Variants in EML4 observed in about 807,000 individuals in gnomAD.
EML4 encodes the protein echinoderm microtubule-associated protein-like 4.
Under a neutral mutation model 129.0 loss-of-function variants are expected in EML4, and 72 were observed. The ratio of observed to expected loss-of-function variants is 0.56; its 90% CI spans 0.46 to 0.68. The LOEUF is 0.68. EML4 is among the 30% of genes least tolerant of loss of function. The pLI, the probability that EML4 is intolerant of heterozygous loss-of-function variation, is 0.00. For missense variants in EML4, 1,363 were observed against 1,190.6 expected, an observed-to-expected ratio of 1.14 and a Z score of -2.13; for synonymous variants, 532 against 405.0, an observed-to-expected ratio of 1.31 and a Z score of -3.77.
intron 1 of EML4, among the ~76,000 whole-genome samples, chr2:42,178,081 T>C (rs931045841): frequency 6.6e-6 from 1 of 152,236 alleles, no homozygotes; most frequent in African/African-American, 2.4e-5. Context: ...GACAAGTTTT[T>C]AGAATCTGAA....
intron 13 of EML4, 127 bp from the exon 14 acceptor site, chr2:42,301,114 G>A (rs1007777946): frequency 1.8e-5 from 13 of 733,972 alleles, no homozygotes; most frequent in Non-Finnish European, 2.4e-5. Flanking sequence ...CTGAAAATAG[G>A]TTTTTGATTG....
chr2:42,219,154 G>A (rs771740803), intron 1 of EML4, among the ~76,000 whole-genome samples: 1 of 152,180 alleles, frequency 6.6e-6, no homozygotes, highest in South Asian at 2.1e-4. Context: ...ATTAATTGTA[G>A]CAGAAACGGC....
intron 1 of EML4, among the ~76,000 whole-genome samples, chr2:42,205,705 T>TA (rs1287367463): frequency 1.7e-4 from 26 of 152,232 alleles, no homozygotes; most frequent in African/African-American, 5.8e-4. Context: ...AATTGTTTGT[T>TA]ACAGTAATAC....
intron 1 of EML4, among the ~76,000 whole-genome samples, chr2:42,215,938 T>G (rs1673158409): frequency 6.6e-6 from 1 of 152,114 alleles, no homozygotes. Flanking sequence ...TCTTTTTTTT[T>G]GAAACGGAGT....
chr2:42,258,396 GAT>G (rs10538737), intron 3 of EML4, among the ~76,000 whole-genome samples: 72,273 of 149,494 alleles, frequency 0.48, 17,876 homozygotes, highest in East Asian at 0.73. Flanking sequence ...TATTTTTTAA[GAT>G]ATATATATAT....
chr2:42,298,818 A>G (rs959901675), intron 13 of EML4, among the ~76,000 whole-genome samples: 3 of 152,150 alleles, frequency 2.0e-5, no homozygotes, highest in Non-Finnish European at 4.4e-5. Context: ...TTACATTCTG[A>G]TAGAGAACTA....
chr2:42,213,346 C>T (rs2104038454), intron 1 of EML4, among the ~76,000 whole-genome samples: 1 of 152,278 alleles, frequency 6.6e-6, no homozygotes. Flanking sequence ...CACAGTATGG[C>T]TTCTTGTGTC....
intron 1 of EML4, among the ~76,000 whole-genome samples, chr2:42,201,372 A>G (rs539755192): frequency 2.6e-5 from 4 of 152,238 alleles, no homozygotes; most frequent in South Asian, 2.1e-4. Context: ...AACTTGCCCA[A>G]GAGCGCACAG....
At chr2:42,173,871 A>G (rs1380297642) in intron 1 of EML4, among the ~76,000 whole-genome samples, 2 of 152,128 alleles carry the variant, frequency 1.3e-5, no homozygotes, top group Non-Finnish European at 2.9e-5. Flanking sequence ...TAAAGTATGT[A>G]CTGTATGTAG....
chr2:42,239,781 G>T (rs1430047546), intron 1 of EML4, among the ~76,000 whole-genome samples: 1 of 150,606 alleles, frequency 6.6e-6, no homozygotes, highest in Non-Finnish European at 1.5e-5. Flanking sequence ...GGGGGGTGGG[G>T]TGTAAGGAAA....
intron 1 of EML4, among the ~76,000 whole-genome samples, chr2:42,173,966 A>G (rs1670426082): frequency 1.3e-5 from 2 of 152,220 alleles, no homozygotes; most frequent in Non-Finnish European, 2.9e-5. Flanking sequence ...GTTTCAAGCA[A>G]GTAACTTCTG....
intron 1 of EML4, among the ~76,000 whole-genome samples, chr2:42,196,860 C>A (rs1193820976): frequency 1.3e-5 from 2 of 152,228 alleles, no homozygotes; most frequent in East Asian, 1.9e-4. Context: ...ACCCTGCCTC[C>A]ACCCTGCCCT....
intron 21 of EML4, among the ~76,000 whole-genome samples, chr2:42,327,541 C>T (rs970333961): frequency 5.3e-5 from 8 of 152,138 alleles, no homozygotes; most frequent in African/African-American, 1.7e-4. Flanking sequence ...AGTTGCCTTA[C>T]ACCACTTGTT....
rs1667302400 is a variant in EML4, at chr2:42,286,267, A to G, written c.1012-2A>G. On this transcript the variant is annotated splice_acceptor_variant, in intron 9 of 22. Transcript: ENST00000318522. LOFTEE classifies it high-confidence loss of function. ...TTGCTCTGCTGTCTTGTGTTTTTGCAGCCTCTACAACCCCACGTCAGAGTG... is the reference window on the plus strand; with the variant it reads ...TTGCTCTGCTGTCTTGTGTTTTTGCGGCCTCTACAACCCCACGTCAGAGTG... 1 of 1,595,326 alleles carries G rather than the reference A, an allele frequency of 6.3e-7. No individual in the cohort carries two copies. The highest frequency in any genetic ancestry group is 1.7e-5 in the Admixed American group (1 of 59,968).
At chr2:42,325,596 T>TTTTATATATATATATATA (rs1669746971) in intron 20 of EML4, 42 bp downstream of exon 20, 1 of 149,610 alleles carries the variant, frequency 6.7e-6, no homozygotes, top group Non-Finnish European at 1.3e-5. Flanking sequence ...TATGCTATGA[T>TTTTATATATATATATATA]TATATTTATA....
At chr2:42,313,649 C>T (rs1442083979) in intron 17 of EML4, among the ~76,000 whole-genome samples, 4 of 152,132 alleles carry the variant, frequency 2.6e-5, no homozygotes, top group Non-Finnish European at 5.9e-5. Context: ...ACTTATTGGC[C>T]GGATACAGTG....
chr2:42,180,448 A>G (rs1176287328), intron 1 of EML4, among the ~76,000 whole-genome samples: 1 of 152,208 alleles, frequency 6.6e-6, no homozygotes, highest in African/African-American at 2.4e-5. Context: ...CTTGCATTCC[A>G]TTCCAGATGG....
At chr2:42,315,876 A>G (rs1669217581) in intron 17 of EML4, 86 bp from the exon 18 acceptor site, 9 of 961,416 alleles carry the variant, frequency 9.4e-6, no homozygotes, top group Non-Finnish European at 1.5e-5. Flanking sequence ...GCAAGACTCC[A>G]TCTCAAAAAA....
intron 1 of EML4, among the ~76,000 whole-genome samples, chr2:42,224,760 A>T (rs1368383668): frequency 6.6e-6 from 1 of 152,090 alleles, no homozygotes; most frequent in Admixed American, 6.5e-5. Context: ...GCATCTCATT[A>T]TGATTTTTTA....
Sources: gnomAD v4.1 joint callset for allele counts (sites outside exome capture counted in the v4.1 genomes callset) on GRCh38, gnomAD v4.1.1 for gene constraint, MANE v1.5 for transcripts, NCBI Gene and HGNC (gene_info 2026-07-23, HGNC 2026-07-21) for gene names.